Variants in CWC27 observed in about 807,000 individuals in gnomAD.
The protein encoded by CWC27 is CWC27 spliceosome associated cyclophilin.
A neutral mutation model predicts 63.6 loss-of-function variants in CWC27; 47 were observed. That is an observed-to-expected ratio of 0.74 (90% confidence interval 0.58 to 0.94). The LOEUF (loss-of-function observed/expected upper bound fraction) is 0.94. Among genes scored for constraint, CWC27 ranks in the 40% least tolerant of loss-of-function variants. The pLI is 0.00. For missense variants in CWC27, 495 were observed against 554.3 expected, an observed-to-expected ratio of 0.89 and a Z score of 1.07; for synonymous variants, 175 against 179.8, an observed-to-expected ratio of 0.97 and a Z score of 0.22.
At chr5:65,013,514 AC>A (rs749925002) in intron 13 of CWC27, among the ~76,000 whole-genome samples, 37 of 152,338 alleles carry the variant, frequency 2.4e-4, no homozygotes, top group Non-Finnish European at 4.7e-4. Context: ...ACAGGCAATT[AC>A]AAAATGGGGA....
At chr5:64,820,200 A>T (rs1745155152) in intron 10 of CWC27, among the ~76,000 whole-genome samples, 1 of 152,214 alleles carries the variant, frequency 6.6e-6, no homozygotes, top group Non-Finnish European at 1.5e-5. Context: ...TATAAACAAA[A>T]TGGAAACAAA....
intron 2 of CWC27, among the ~76,000 whole-genome samples, chr5:64,775,554 T>A (rs1401135673): frequency 4.6e-5 from 7 of 152,122 alleles, no homozygotes; most frequent in Admixed American, 4.6e-4. Context: ...TTTTCTTCCC[T>A]TTTTTTACTG....
At chr5:64,882,686 C>T (rs978771586) in intron 10 of CWC27, among the ~76,000 whole-genome samples, 3 of 152,164 alleles carry the variant, frequency 2.0e-5, no homozygotes, top group Non-Finnish European at 2.9e-5. Context: ...CTCCGCCTCT[C>T]GGGTTTGCAC....
rs1474343745 is a variant in CWC27 at position 64,990,240 on chromosome 5, GTTTTTTTTTTGTTTT to G, written c.1256+13028_1256+13042del. On this transcript the variant is annotated intron_variant, in intron 13 of 13. Coordinates refer to ENST00000381070, the MANE Select transcript of CWC27 (RefSeq NM_005869.4). ...TATCAGAGCTCTAGAGTTTTTATTT[GTTTTTTTTTTGTTTT>G]TTTTTTTTTTGTTTTTTTTTTTTTT... 6.8e-4 allele frequency among the ~76,000 whole-genome samples: 53 copies of G among 77,554 alleles called. 11 individuals carry two copies. The highest frequency in any genetic ancestry group is 4.1e-3 in the South Asian group (9 of 2,180). The allele number at this position is 77,554 out of a possible 152,430, so 50.9% of individuals were successfully genotyped here.
At chr5:64,800,416 C>T in intron 8 of CWC27, 89 bp downstream of exon 8, 4 of 872,426 alleles carry the variant, frequency 4.6e-6, no homozygotes, top group Non-Finnish European at 6.9e-6. Context: ...AGTCAGTCCT[C>T]ATAAGTCAAA....
At chr5:64,999,246 T>C (rs1256138353) in intron 13 of CWC27, among the ~76,000 whole-genome samples, 23 of 152,166 alleles carry the variant, frequency 1.5e-4, no homozygotes, top group Non-Finnish European at 8.8e-5. Flanking sequence ...CCCTTTTTTG[T>C]TGATAAATAA....
intron 11 of CWC27, among the ~76,000 whole-genome samples, chr5:64,902,677 A>G (rs1747535551): frequency 6.6e-6 from 1 of 152,108 alleles, no homozygotes; most frequent in Non-Finnish European, 1.5e-5. Flanking sequence ...ACATTTTTCA[A>G]AGTTGTTTTG....
intron 9 of CWC27, among the ~76,000 whole-genome samples, chr5:64,802,932 A>G (rs571979725): frequency 2.6e-4 from 39 of 152,288 alleles, no homozygotes; most frequent in South Asian, 1.0e-3. Context: ...AGGAAAATGT[A>G]CTACATTCAC....
At chr5:64,904,600 A>G (rs930715269) in intron 11 of CWC27, among the ~76,000 whole-genome samples, 1 of 152,224 alleles carries the variant, frequency 6.6e-6, no homozygotes, top group African/African-American at 2.4e-5. Context: ...GAAAGCTACA[A>G]TGCCTGCTAT....
chr5:64,926,674 A>G (rs1043569258), intron 11 of CWC27, among the ~76,000 whole-genome samples: 2 of 152,048 alleles, frequency 1.3e-5, no homozygotes, highest in Non-Finnish European at 2.9e-5. Flanking sequence ...TGTTTTTAAA[A>G]TCTCTGTGTT....
chr5:64,888,705 A>G (rs1451251134), intron 11 of CWC27, among the ~76,000 whole-genome samples: 7 of 151,948 alleles, frequency 4.6e-5, no homozygotes, highest in African/African-American at 1.4e-4. Context: ...TCAGAGAACT[A>G]GAAAGGCACT....
intron 2 of CWC27, among the ~76,000 whole-genome samples, chr5:64,777,207 C>T (rs1281596788): frequency 6.6e-6 from 1 of 152,068 alleles, no homozygotes; most frequent in African/African-American, 2.4e-5. Flanking sequence ...CTTTATTTCA[C>T]ATCATTCTTG....
chr5:64,817,452 T>C (rs778678634), intron 10 of CWC27, among the ~76,000 whole-genome samples: 14 of 152,130 alleles, frequency 9.2e-5, no homozygotes, highest in South Asian at 2.1e-4. Flanking sequence ...TCAGTAGGTT[T>C]AGTATATAAT....
At chr5:64,807,825 C>A in intron 10 of CWC27, 1 of 1,532,090 alleles carries the variant, frequency 6.5e-7, no homozygotes, top group South Asian at 1.2e-5. Flanking sequence ...TTCTTCAACC[C>A]GTATTTCTTT....
In CWC27 at chr5:64,954,228, C is replaced by T. The variant is rs374877115; in HGVS notation, c.1043-17475C>T. 1.2e-3 allele frequency among the ~76,000 whole-genome samples: 184 copies of T among 152,222 alleles called. 1 individual carries two copies. The South Asian group carries it at 0.013, about 10-fold the overall frequency. ...TACAGTTTTCAGCTTTTACCAAAAGCATAGGTCTCCAAGTGTAATATCCTG... is the reference window on the plus strand; with the variant it reads ...TACAGTTTTCAGCTTTTACCAAAAGTATAGGTCTCCAAGTGTAATATCCTG... On this transcript the variant is annotated intron_variant, in intron 11 of 13. Coordinates refer to ENST00000381070, the MANE Select transcript of CWC27 (RefSeq NM_005869.4).
intron 13 of CWC27, among the ~76,000 whole-genome samples, chr5:64,999,958 T>G (rs1749702806): frequency 6.6e-6 from 1 of 152,062 alleles, no homozygotes; most frequent in Non-Finnish European, 1.5e-5. Context: ...ACACCAACAG[T>G]GTATAAGAGT....
chr5:64,837,939 G>C (rs533849146), intron 10 of CWC27, among the ~76,000 whole-genome samples: 2 of 152,206 alleles, frequency 1.3e-5, no homozygotes, highest in East Asian at 3.9e-4. Context: ...CCCTCAAAAA[G>C]CACCTTAGTT....
intron 10 of CWC27, among the ~76,000 whole-genome samples, chr5:64,809,791 A>G (rs898392155): frequency 6.6e-6 from 1 of 152,154 alleles, no homozygotes; most frequent in African/African-American, 2.4e-5. Flanking sequence ...TATATTTTGT[A>G]TATTAGCCCC....
At chr5:64,866,094 G>C (rs1021984319) in intron 10 of CWC27, among the ~76,000 whole-genome samples, 3 of 152,066 alleles carry the variant, frequency 2.0e-5, no homozygotes, top group African/African-American at 4.8e-5. Context: ...CTGTCAAGGA[G>C]ATTTTTTAAT....
Sources: allele counts gnomAD v4.1 joint callset (sites outside exome capture counted in the v4.1 genomes callset), GRCh38; gene constraint gnomAD v4.1.1; transcripts MANE v1.5; gene names NCBI Gene and HGNC (gene_info 2026-07-23, HGNC 2026-07-21).